Variants in CIROZ observed in about 807,000 individuals in gnomAD.
The protein encoded by CIROZ is ciliated left-right organizer ZP-N domains-containing protein.
the CIROZ span, among the ~76,000 whole-genome samples, chr1:10,966,960 C>A: frequency 6.6e-6 from 1 of 151,874 alleles, no homozygotes; most frequent in Non-Finnish European, 1.5e-5. Context: ...ACCAACCCGG[C>A]CAACACTGCA....
At chr1:10,963,280 T>C in the CIROZ span, among the ~76,000 whole-genome samples, 1 of 151,924 alleles carries the variant, frequency 6.6e-6, no homozygotes, top group East Asian at 1.9e-4. Context: ...TCCTAGCTAC[T>C]TGGGAGGCTG....
At chr1:10,947,172 G>A in the CIROZ span, among the ~76,000 whole-genome samples, 1 of 152,180 alleles carries the variant, frequency 6.6e-6, no homozygotes, top group South Asian at 2.1e-4. Flanking sequence ...CCTTGCCAAG[G>A]TCACACAGCC....
the CIROZ span, among the ~76,000 whole-genome samples, chr1:10,952,167 T>C: frequency 2.6e-5 from 4 of 152,048 alleles, no homozygotes; most frequent in East Asian, 5.8e-4. Flanking sequence ...GACAGGAGCA[T>C]GCACCATAAC....
At chr1:10,949,900 CT>C in the CIROZ span, 4 of 1,249,488 alleles carry the variant, frequency 3.2e-6, no homozygotes, top group Non-Finnish European at 4.4e-6. Flanking sequence ...TGAGTGACCC[CT>C]TTTCCACAGG....
the CIROZ span, chr1:10,964,229 C>A: frequency 1.2e-6 from 2 of 1,614,154 alleles, no homozygotes; most frequent in East Asian, 2.2e-5. Flanking sequence ...AACCCCATCA[C>A]CCCTTTCTGA....
the CIROZ span, chr1:10,966,550 A>G: frequency 6.9e-7 from 1 of 1,445,460 alleles, no homozygotes; most frequent in South Asian, 1.4e-5. Flanking sequence ...AGGGTCAGAA[A>G]TATCAGACTC....
the CIROZ span, among the ~76,000 whole-genome samples, chr1:10,974,330 G>A: frequency 6.6e-6 from 1 of 152,046 alleles, no homozygotes; most frequent in Non-Finnish European, 1.5e-5. The surrounding 1 kb of genome is among the most constrained non-coding windows in gnomAD (Gnocchi z 4.4). Flanking sequence ...GAAGACGAGC[G>A]CAGAGAGGCG....
the CIROZ span, among the ~76,000 whole-genome samples, chr1:10,963,006 G>A: frequency 6.6e-6 from 1 of 152,118 alleles, no homozygotes; most frequent in Non-Finnish European, 1.5e-5. Flanking sequence ...TATAGTCCCA[G>A]CTACTTGGGA....
At chr1:10,981,824 G>T in the CIROZ span, among the ~76,000 whole-genome samples, 6,451 of 152,238 alleles carry the variant, frequency 0.042, 454 homozygotes, top group African/African-American at 0.15. Context: ...GACTGTGGCC[G>T]GACCTCACCT....
chr1:10,977,343 C>A, the CIROZ span, among the ~76,000 whole-genome samples: 1 of 151,284 alleles, frequency 6.6e-6, no homozygotes, highest in East Asian at 2.0e-4. Flanking sequence ...ATTCCCCGGG[C>A]GTGGTGGCGT....
chr1:10,951,635 G>A, the CIROZ span, among the ~76,000 whole-genome samples: 10 of 151,070 alleles, frequency 6.6e-5, no homozygotes, highest in East Asian at 1.9e-3. Context: ...TGAGACAGGA[G>A]GATCCCTTGA....
the CIROZ span, among the ~76,000 whole-genome samples, chr1:10,973,887 G>A: frequency 2.6e-5 from 4 of 152,212 alleles, no homozygotes; most frequent in East Asian, 3.9e-4. Flanking sequence ...CGGGTGCAGC[G>A]GCAGCTGCCT....
chr1:10,958,168 G>A, the CIROZ span, among the ~76,000 whole-genome samples: 1 of 152,162 alleles, frequency 6.6e-6, no homozygotes, highest in Non-Finnish European at 1.5e-5. Flanking sequence ...GCGGGCAGAG[G>A]GACAGGGAAG....
chr1:10,949,943 A>AAGTCCTGG, the CIROZ span: 1 of 798,254 alleles, frequency 1.3e-6, no homozygotes, highest in African/African-American at 1.8e-5. Flanking sequence ...GGTCAGATGC[A>AAGTCCTGG]AGTCCTGGGT....
chr1:10,951,540 C>A, the CIROZ span, among the ~76,000 whole-genome samples: 1 of 148,260 alleles, frequency 6.7e-6, no homozygotes, highest in African/African-American at 2.5e-5. Context: ...GAGTGAGACT[C>A]TGTCTCGGGG....
chr1:10,957,600 G>T, the CIROZ span: 1 of 1,613,102 alleles, frequency 6.2e-7, no homozygotes, highest in Admixed American at 1.7e-5. Context: ...GGCAGAGCCT[G>T]CTGCCCACCA....
At chr1:10,976,792 G>A in the CIROZ span, among the ~76,000 whole-genome samples, 153 of 152,082 alleles carry the variant, frequency 1.0e-3, 3 homozygotes, top group East Asian at 0.024. Context: ...ACAGAGTGGT[G>A]AGATACAGAG....
At chr1:10,964,130 G>A in the CIROZ span, 2 of 1,613,568 alleles carry the variant, frequency 1.2e-6, no homozygotes. Flanking sequence ...CCCATTACCT[G>A]GATGAACATG....
At chr1:10,980,876 G>A in the CIROZ span, among the ~76,000 whole-genome samples, 2 of 152,216 alleles carry the variant, frequency 1.3e-5, no homozygotes, top group African/African-American at 2.4e-5. Context: ...CCAGGAGAAG[G>A]CAATGGGTCC....
Sources: allele counts gnomAD v4.1 joint callset (sites outside exome capture counted in the v4.1 genomes callset), GRCh38; gene constraint gnomAD v4.1.1; non-coding constraint Gnocchi (gnomAD v3.1); transcripts MANE v1.5; gene names NCBI Gene and HGNC (gene_info 2026-07-23, HGNC 2026-07-21).